MRGPRX3: variants seen among roughly 807,000 people sequenced by gnomAD.
MRGPRX3 encodes mas-related G protein-coupled receptor member X3.
In MRGPRX3, 14 loss-of-function variants were observed where a neutral mutation model predicts 16.5. That is an observed-to-expected ratio of 0.85 (90% CI 0.56 to 1.33). The LOEUF (loss-of-function observed/expected upper bound fraction) is 1.33, where lower values mean the gene tolerates loss of function less well. MRGPRX3 is among the 40% of genes most tolerant of loss of function. The pLI is 0.00. For missense variants in MRGPRX3, 449 were observed against 413.0 expected, an observed-to-expected ratio of 1.09 and a Z score of -0.76; for synonymous variants, 199 against 180.1, an observed-to-expected ratio of 1.10 and a Z score of -0.84.
chr11:18,127,687 G>C (rs926238113), upstream of MRGPRX3, among the ~76,000 whole-genome samples: 1 of 152,080 alleles, frequency 6.6e-6, no homozygotes, highest in Non-Finnish European at 1.5e-5. Flanking sequence ...CTTTTTTCAA[G>C]GTTTTTAACT....
At chr11:18,122,671 G>C (rs977134840) in intron 1 of MRGPRX3, among the ~76,000 whole-genome samples, 2 of 152,178 alleles carry the variant, frequency 1.3e-5, no homozygotes, top group African/African-American at 4.8e-5. Context: ...CTTTATAGCA[G>C]GGTGATTTAT....
Position 18,137,135 on chromosome 11 carries a change from A to C in MRGPRX3, c.-25-43A>C. 5 of 1,520,814 alleles carry C rather than the reference A, an allele frequency of 3.3e-6. No individual in the cohort carries two copies. The South Asian group carries it at 6.5e-5, about 20-fold the overall frequency. The allele number at this position is 1,520,814 out of a possible 1,614,324, so 94.2% of individuals were successfully genotyped here. A position where few individuals can be genotyped will look rare whatever the true frequency, so the allele number is the denominator to read the frequency against. On this transcript the variant is annotated intron_variant, in intron 1 of 1. Coordinates refer to ENST00000621697, the MANE Select transcript of MRGPRX3 (RefSeq NM_001370464.1). Reference sequence around the variant, plus strand: ...ACATGGCAGGGTGGTGGGGAGAATCAGAGATCAAACAGCTGGTGATCACAT... The same window carrying C: ...ACATGGCAGGGTGGTGGGGAGAATCCGAGATCAAACAGCTGGTGATCACAT...
rs771149863 is a variant in MRGPRX3, at chr11:18,137,384, T to C, written c.182T>C (p.Val61Ala). The C allele has an allele frequency of 7.4e-6, 12 of 1,614,066 alleles. No individual in the cohort carries two copies. In the East Asian group the frequency reaches 1.8e-4, roughly 24 times the overall value. Residue 61 changes from valine to alanine, a missense_variant, in exon 2 of 2, where the codon GTC (valine) becomes GCC (alanine). By Grantham distance (64) the Val-to-Ala change is moderately conservative. Coordinates refer to ENST00000621697, the MANE Select transcript of MRGPRX3 (RefSeq NM_001370464.1). Reference protein sequence around the residue: ...LLGCRMRRNAVSIYILNLVAA... With the variant: ...LLGCRMRRNAASIYILNLVAA... ...GGCTGCCGCATGCGCAGGAACGCTGTCTCCATCTACATCCTCAACCTGGTC... is the reference window on the plus strand; with the variant it reads ...GGCTGCCGCATGCGCAGGAACGCTGCCTCCATCTACATCCTCAACCTGGTC...
At chr11:18,132,104 G>A (rs916062273), upstream of MRGPRX3, among the ~76,000 whole-genome samples, 1 of 152,176 alleles carries the variant, frequency 6.6e-6, no homozygotes, top group African/African-American at 2.4e-5. Flanking sequence ...ATTTAAAAAA[G>A]TTCACTGTTC....
intron 1 of MRGPRX3, 70 bp downstream of exon 1, chr11:18,132,809 T>A (rs1848974264): frequency 6.6e-6 from 1 of 152,246 alleles, no homozygotes; most frequent in South Asian, 2.1e-4. Context: ...TCCTTATGCT[T>A]CCACCTTGGT....
At chr11:18,125,079 TTTC>T (rs140073138) in intron 1 of MRGPRX3, among the ~76,000 whole-genome samples, 73,961 of 150,954 alleles carry the variant, frequency 0.49, 21,498 homozygotes, top group East Asian at 0.82. Context: ...TCTTCTCTCT[TTTC>T]TTCTTTATTA....
upstream of MRGPRX3, among the ~76,000 whole-genome samples, chr11:18,131,449 T>C (rs552836152): frequency 6.6e-6 from 1 of 152,262 alleles, no homozygotes; most frequent in South Asian, 2.1e-4. Context: ...ACATCACTAA[T>C]GATTAGGGAA....
At chr11:18,136,999 G>A (rs1348725556) in intron 1 of MRGPRX3, among the ~76,000 whole-genome samples, 179 bp from the exon 2 acceptor site, 1 of 152,168 alleles carries the variant, frequency 6.6e-6, no homozygotes, top group Non-Finnish European at 1.5e-5. Context: ...AGGCTTCAGA[G>A]TCAACAAGAA....
At chr11:18,126,096 GA>G (rs1721808055) in intron 1 of MRGPRX3, among the ~76,000 whole-genome samples, 9 of 152,158 alleles carry the variant, frequency 5.9e-5, no homozygotes, top group Admixed American at 5.9e-4. Context: ...TCTGCACATT[GA>G]GATGGGTTTC....
chr11:18,121,966 T>C (rs889946746), intron 1 of MRGPRX3, among the ~76,000 whole-genome samples: 5 of 143,404 alleles, frequency 3.5e-5, no homozygotes, highest in African/African-American at 1.3e-4. Context: ...GCCAAATCCC[T>C]CTCTGTGAGA....
chr11:18,136,896 G>A (rs568307660), intron 1 of MRGPRX3, among the ~76,000 whole-genome samples: 2 of 152,024 alleles, frequency 1.3e-5, no homozygotes, highest in Admixed American at 6.6e-5. Context: ...AGTAATCATC[G>A]GGTCCACAGC....
rs1849030139 is a variant in MRGPRX3 at position 18,137,948 on chromosome 11, T to C, written c.746T>C (p.Leu249Ser). 6.2e-7 allele frequency: 1 copy of C among 1,614,102 alleles called. No homozygotes were observed. The highest frequency in any genetic ancestry group is 8.5e-7 in the Non-Finnish European group (1 of 1,180,046). The change falls in exon 2 of 2, where the codon TTA (leucine) becomes TCA (serine). Residue 249 changes from leucine to serine, a missense_variant. Physicochemically the swap from Leu to Ser is moderately radical, Grantham distance 145 (BLOSUM62 -2). Transcript: ENST00000621697. Reference protein sequence around the residue: ...FSRIHLDWKVLFCHVHLVSIF... With the variant: ...FSRIHLDWKVSFCHVHLVSIF... The stretch of plus-strand genomic sequence containing the variant: ...AGGATCCACCTGGATTGGAAAGTCT[T>C]ATTTTGTCATGTGCATCTAGTTTCC...
chr11:18,123,694 T>A (rs934612195), intron 1 of MRGPRX3, among the ~76,000 whole-genome samples: 1 of 152,220 alleles, frequency 6.6e-6, no homozygotes, highest in Admixed American at 6.5e-5. Context: ...TCCATATGAA[T>A]TTTAAAGTAG....
intron 1 of MRGPRX3, among the ~76,000 whole-genome samples, chr11:18,125,051 T>G (rs1199650643): frequency 6.7e-6 from 1 of 149,130 alleles, no homozygotes; most frequent in Non-Finnish European, 1.5e-5. Context: ...TTATCATTTT[T>G]TATTGCATCT....
intron 1 of MRGPRX3, among the ~76,000 whole-genome samples, chr11:18,126,074 C>G (rs1195954532): frequency 6.6e-6 from 1 of 152,128 alleles, no homozygotes; most frequent in East Asian, 1.9e-4. Flanking sequence ...TTATTTTGAG[C>G]CTATCTGTGT....
At chr11:18,125,701 G>T (rs1848887606) in intron 1 of MRGPRX3, among the ~76,000 whole-genome samples, 1 of 152,146 alleles carries the variant, frequency 6.6e-6, no homozygotes, top group Non-Finnish European at 1.5e-5. Flanking sequence ...ATGTCTATTA[G>T]GTCCGCTTGG....
At chr11:18,124,110 A>C (rs1319726692) in intron 1 of MRGPRX3, among the ~76,000 whole-genome samples, 2 of 152,146 alleles carry the variant, frequency 1.3e-5, no homozygotes, top group African/African-American at 4.8e-5. Context: ...AGGTTTTCTA[A>C]ATATACAATC....
intron 1 of MRGPRX3, among the ~76,000 whole-genome samples, chr11:18,125,539 C>A (rs545665494): frequency 4.6e-5 from 7 of 152,164 alleles, no homozygotes; most frequent in Admixed American, 4.6e-4. Flanking sequence ...TTTGATTGCA[C>A]TGTGGTCTAA....
Position 18,133,216 on chromosome 11 carries a change from G to T in MRGPRX3, c.-26+477G>T, listed in dbSNP as rs112650809. On this transcript the variant is annotated intron_variant, in intron 1 of 1. Transcript: ENST00000621697. ...AAAGATGCACAGAGTTAAGGGTCAG[G>T]ATCCTAAGCAGCAATACATAGGGGA... Among the ~76,000 whole-genome samples the T allele has an allele frequency of 9.3e-4, 142 of 152,318 alleles. 1 individual carries two copies. Among genetic ancestry groups the T allele is most frequent in the African/African-American group, 3.2e-3 (135 of 41,560 alleles).
Sources: gnomAD v4.1 joint callset for allele counts (sites outside exome capture counted in the v4.1 genomes callset) on GRCh38, gnomAD v4.1.1 for gene constraint, MANE v1.5 for transcripts, NCBI Gene and HGNC (gene_info 2026-07-23, HGNC 2026-07-21) for gene names.